PPFIBP1: variants seen among roughly 807,000 people sequenced by gnomAD.
PPFIBP1 encodes the protein PPFIB scaffold protein 1, also known as liprin-beta-1.
In PPFIBP1, 112 loss-of-function variants were observed where a neutral mutation model predicts 137.8. The observed-to-expected ratio is 0.81, with a 90% confidence interval of 0.70 to 0.95. The LOEUF (loss-of-function observed/expected upper bound fraction) is 0.95. Ranked by LOEUF, PPFIBP1 falls within the 40% of genes least tolerant of loss-of-function variation. The pLI, the probability that PPFIBP1 is intolerant of heterozygous loss-of-function variation, is 0.00. For synonymous variants in PPFIBP1, 378 were observed against 417.3 expected (o/e 0.91, Z 1.15); for missense variants, 1,083 against 1,196.6 (o/e 0.91, Z 1.40).
At chr12:27,537,324 G>C (rs1363954873) in intron 1 of PPFIBP1, among the ~76,000 whole-genome samples, 1 of 152,084 alleles carries the variant, frequency 6.6e-6, no homozygotes, top group African/African-American at 2.4e-5. Context: ...GTAGAGATGG[G>C]GTTTCACTAT....
intron 25 of PPFIBP1, 58 bp downstream of exon 25, chr12:27,687,565 T>A: frequency 6.5e-7 from 1 of 1,550,372 alleles, no homozygotes; most frequent in Non-Finnish European, 8.7e-7. Context: ...GGACTGTCCA[T>A]GTGTCGAAAC....
chr12:27,659,730 A>G (rs1225883501), intron 10 of PPFIBP1, among the ~76,000 whole-genome samples: 1 of 152,140 alleles, frequency 6.6e-6, no homozygotes, highest in Non-Finnish European at 1.5e-5. Context: ...CCTATAGAAT[A>G]TATCTTAATT....
intron 2 of PPFIBP1, among the ~76,000 whole-genome samples, chr12:27,619,336 T>G (rs975993198): frequency 5.3e-5 from 8 of 152,184 alleles, no homozygotes; most frequent in Non-Finnish European, 8.8e-5. Flanking sequence ...GTTGTGTTGT[T>G]TAGGGAATAA....
intron 6 of PPFIBP1, among the ~76,000 whole-genome samples, chr12:27,649,319 A>T (rs1313632454): frequency 6.6e-6 from 1 of 152,200 alleles, no homozygotes; most frequent in Non-Finnish European, 1.5e-5. Flanking sequence ...GATTAAGGAT[A>T]ATAAGAATTT....
intron 2 of PPFIBP1, among the ~76,000 whole-genome samples, chr12:27,586,305 AT>A (rs1296853364): frequency 6.6e-6 from 1 of 152,238 alleles, no homozygotes; most frequent in Admixed American, 6.5e-5. Context: ...AACTTTTTAA[AT>A]TATTTGCCAA....
intron 1 of PPFIBP1, among the ~76,000 whole-genome samples, chr12:27,565,745 A>T (rs1260980357): frequency 6.6e-6 from 1 of 152,086 alleles, no homozygotes; most frequent in African/African-American, 2.4e-5. Context: ...ACTCCTTTTA[A>T]CACCTACAGT....
chr12:27,638,418 T>A (rs766638700), intron 4 of PPFIBP1, among the ~76,000 whole-genome samples: 3 of 152,196 alleles, frequency 2.0e-5, no homozygotes, highest in Non-Finnish European at 2.9e-5. Context: ...CTGCAGTGAC[T>A]GCAGACCTGA....
chr12:27,653,411 C>T (rs1406067719), intron 7 of PPFIBP1, among the ~76,000 whole-genome samples: 1 of 151,716 alleles, frequency 6.6e-6, no homozygotes, highest in Non-Finnish European at 1.5e-5. Flanking sequence ...CATGGTAAAA[C>T]CCCCGTCTCT....
intron 2 of PPFIBP1, among the ~76,000 whole-genome samples, chr12:27,627,809 G>A (rs1278069480): frequency 6.7e-6 from 1 of 148,928 alleles, no homozygotes; most frequent in Non-Finnish European, 1.5e-5. Context: ...TATTTCTGTT[G>A]GTTACCCACC....
chr12:27,532,678 G>A (rs1194512926), intron 1 of PPFIBP1, among the ~76,000 whole-genome samples: 1 of 152,064 alleles, frequency 6.6e-6, no homozygotes, highest in Non-Finnish European at 1.5e-5. Flanking sequence ...AGGGTGGGGA[G>A]GAGATTTTGA....
At chr12:27,685,217 GTA>G (rs113468240) in intron 24 of PPFIBP1, among the ~76,000 whole-genome samples, 11,141 of 149,786 alleles carry the variant, frequency 0.074, 1,321 homozygotes, top group African/African-American at 0.26. Flanking sequence ...CATAGAGTAT[GTA>G]TATATATATA....
intron 5 of PPFIBP1, 174 bp downstream of exon 5, chr12:27,646,322 C>T (rs1275507461): frequency 3.1e-6 from 2 of 646,664 alleles, no homozygotes; most frequent in African/African-American, 1.8e-5. Flanking sequence ...ATGGTGTTTA[C>T]ACCCAGTTTA....
chr12:27,572,351 A>G (rs759267160), intron 1 of PPFIBP1, among the ~76,000 whole-genome samples: 10 of 152,222 alleles, frequency 6.6e-5, no homozygotes, highest in Non-Finnish European at 1.3e-4. Context: ...TTACTTTTAT[A>G]TAAAACTTTA....
At chr12:27,647,595 T>C (rs11049082) in intron 5 of PPFIBP1, 134 bp from the exon 6 acceptor site, 6,991 of 566,268 alleles carry the variant, frequency 0.012, 383 homozygotes, top group African/African-American at 0.12. Context: ...TTCTTGGTAC[T>C]TCTCAGATTT....
At chr12:27,624,468 T>A (rs2056632372) in intron 2 of PPFIBP1, among the ~76,000 whole-genome samples, 1 of 152,214 alleles carries the variant, frequency 6.6e-6, no homozygotes, top group Non-Finnish European at 1.5e-5. Context: ...AAGTAAAAGA[T>A]CTTGGCTTAT....
At chr12:27,646,453 A>G (rs1171140558) in intron 5 of PPFIBP1, among the ~76,000 whole-genome samples, 5 of 141,808 alleles carry the variant, frequency 3.5e-5, no homozygotes, top group African/African-American at 7.9e-5. Context: ...TACATTGCCC[A>G]GGCTAGTCTT....
Position 27,633,430 on chromosome 12 carries a change from G to A in PPFIBP1, c.34G>A (p.Ala12Thr), listed in dbSNP as rs1037442732. 5.6e-6 allele frequency: 9 copies of A among 1,613,286 alleles called. No homozygotes were observed. Among genetic ancestry groups the A allele is most frequent in the African/African-American group, 1.3e-5 (1 of 74,894 alleles). The change falls in exon 3 of 30, where the codon GCG becomes ACG. Residue 12 changes from alanine (A) to threonine (T), a missense_variant. Physicochemically the swap from Ala to Thr is moderately conservative, Grantham distance 58 (BLOSUM62 0). Coordinates refer to ENST00000228425, the MANE Select transcript of PPFIBP1 (RefSeq NM_003622.4). ...TGATGCAAGTGACATGTTGGCTGCA[G>A]CGTTGGAGCAGATGGATGGTATCAT... The part of the protein sequence containing the change: ...MSDASDMLAA[A>T]LEQMDGIIAG...
intron 4 of PPFIBP1, among the ~76,000 whole-genome samples, chr12:27,645,236 G>A (rs2058388290): frequency 6.6e-6 from 1 of 152,204 alleles, no homozygotes; most frequent in Non-Finnish European, 1.5e-5. Flanking sequence ...TTATGGTTAT[G>A]TTGAGATTAT....
At chr12:27,571,897 T>A (rs76522445) in intron 1 of PPFIBP1, among the ~76,000 whole-genome samples, 2,491 of 152,266 alleles carry the variant, frequency 0.016, 67 homozygotes, top group African/African-American at 0.057. Flanking sequence ...GGTGCCTGAA[T>A]TTTGAGAGTG....
Sources: gnomAD v4.1 joint callset for allele counts (sites outside exome capture counted in the v4.1 genomes callset) on GRCh38, gnomAD v4.1.1 for gene constraint, MANE v1.5 for transcripts, NCBI Gene and HGNC (gene_info 2026-07-23, HGNC 2026-07-21) for gene names.